Variants in EXOC4 observed in about 807,000 individuals in gnomAD.
EXOC4 encodes exocyst complex component 4, also known as SEC8-like 1.
EXOC4 carries 71 observed loss-of-function variants against 107.2 expected under a neutral mutation model. That is an observed-to-expected ratio of 0.66 (90% CI 0.55 to 0.81). The LOEUF (loss-of-function observed/expected upper bound fraction) is 0.81, where lower values mean the gene tolerates loss of function less well. Ranked by LOEUF, EXOC4 falls within the 30% of genes least tolerant of loss-of-function variation. The pLI is 0.00. For synonymous variants in EXOC4, 456 were observed against 441.2 expected (o/e 1.03, Z -0.42); for missense variants, 1,108 against 1,189.6 (o/e 0.93, Z 1.01).
intron 13 of EXOC4, among the ~76,000 whole-genome samples, chr7:133,935,830 A>G (rs1233814889): frequency 1.3e-5 from 2 of 152,208 alleles, no homozygotes; most frequent in Admixed American, 6.5e-5. Flanking sequence ...GAAGACAGTT[A>G]CATGGGGGTT....
intron 10 of EXOC4, among the ~76,000 whole-genome samples, chr7:133,739,446 G>A (rs1795517531): frequency 6.6e-6 from 1 of 152,104 alleles, no homozygotes; most frequent in Non-Finnish European, 1.5e-5. Context: ...TGCTAGAATG[G>A]GCTGGAATTC....
intron 11 of EXOC4, among the ~76,000 whole-genome samples, chr7:133,855,118 T>A (rs866536589): frequency 9.4e-4 from 89 of 94,844 alleles, no homozygotes; most frequent in Admixed American, 1.5e-3. Context: ...TATATAAATA[T>A]ATATATATAA....
intron 9 of EXOC4, among the ~76,000 whole-genome samples, chr7:133,523,166 A>G (rs535243747): frequency 6.6e-6 from 1 of 152,226 alleles, no homozygotes; most frequent in Non-Finnish European, 1.5e-5. Context: ...ATTTTAGAAT[A>G]AAAGATCAGA....
chr7:133,537,220 G>A (rs368743325), intron 9 of EXOC4, among the ~76,000 whole-genome samples: 11 of 151,100 alleles, frequency 7.3e-5, no homozygotes, highest in Non-Finnish European at 1.2e-4. Flanking sequence ...GCGTGATCTC[G>A]ACTCACTGCA....
intron 15 of EXOC4, among the ~76,000 whole-genome samples, chr7:134,002,923 A>C (rs1437587780): frequency 6.6e-6 from 1 of 152,184 alleles, no homozygotes; most frequent in African/African-American, 2.4e-5. Context: ...ATTTCTTACA[A>C]AAGTAAACAT....
At chr7:134,023,247 T>G (rs1795066127) in intron 17 of EXOC4, among the ~76,000 whole-genome samples, 1 of 152,186 alleles carries the variant, frequency 6.6e-6, no homozygotes, top group Admixed American at 6.5e-5. Flanking sequence ...TTTGCTGTAT[T>G]CTGTCTTTGA....
chr7:133,865,222 A>T (rs536183873), intron 11 of EXOC4, among the ~76,000 whole-genome samples: 3 of 152,298 alleles, frequency 2.0e-5, no homozygotes, highest in African/African-American at 7.2e-5. Context: ...TCCTTAAAAA[A>T]AACCACTGTG....
At chr7:133,372,869 A>G (rs1343051682) in intron 6 of EXOC4, among the ~76,000 whole-genome samples, 1 of 152,236 alleles carries the variant, frequency 6.6e-6, no homozygotes, top group Non-Finnish European at 1.5e-5. Flanking sequence ...CGGTAAGGAC[A>G]TTTGGCAACA....
At chr7:133,412,895 C>T (rs1797394949) in intron 7 of EXOC4, among the ~76,000 whole-genome samples, 1 of 151,986 alleles carries the variant, frequency 6.6e-6, no homozygotes, top group Admixed American at 6.6e-5. Context: ...GGTTTAATGG[C>T]AAACCTCTCG....
chr7:133,940,458 C>T (rs1800400802), intron 14 of EXOC4, among the ~76,000 whole-genome samples: 1 of 152,208 alleles, frequency 6.6e-6, no homozygotes, highest in African/African-American at 2.4e-5. Flanking sequence ...GTTGTACCCT[C>T]TCAGTTCCTT....
rs114487283 is a variant in EXOC4, at chr7:134,004,378, G to T, written c.2349-534G>T. On this transcript the variant is annotated intron_variant, in intron 15 of 17. Coordinates refer to ENST00000253861, the MANE Select transcript of EXOC4 (RefSeq NM_021807.4). ...CAGGTGTTGTTTTCACCCATATTTC[G>T]TGGATAAGGAACTGAGGGATAGAGA... Among the ~76,000 whole-genome samples the T allele has an allele frequency of 5.7e-3, 860 of 152,180 alleles. 9 individuals carry two copies. Among genetic ancestry groups the T allele is most frequent in the African/African-American group, 0.019 (804 of 41,506 alleles).
In EXOC4 at chr7:133,500,814, A is replaced by G. The variant is rs147139820; in HGVS notation, c.1417+20676A>G. ...GACATTACTCTGGGTGTGTAGTGGTATCTCATTATGGTGGTTTATATTTAA... is the reference window on the plus strand; with the variant it reads ...GACATTACTCTGGGTGTGTAGTGGTGTCTCATTATGGTGGTTTATATTTAA... On this transcript the variant is annotated intron_variant, in intron 9 of 17. Transcript: ENST00000253861. Among the ~76,000 whole-genome samples the G allele has an allele frequency of 1.9e-4, 29 of 152,316 alleles. No homozygotes were observed. The East Asian group carries it at 4.2e-3, about 22-fold the overall frequency.
chr7:133,963,632 G>A (rs1800996923), intron 14 of EXOC4, among the ~76,000 whole-genome samples: 1 of 152,230 alleles, frequency 6.6e-6, no homozygotes, highest in African/African-American at 2.4e-5. Context: ...AGTTATCCAT[G>A]ATATTAAAGT....
intron 17 of EXOC4, among the ~76,000 whole-genome samples, chr7:134,020,128 C>G (rs1321529394): frequency 6.6e-6 from 1 of 152,196 alleles, no homozygotes; most frequent in African/African-American, 2.4e-5. Context: ...ATGCATACAC[C>G]TGTGCTTTTA....
chr7:133,590,786 T>C (rs907000977), intron 9 of EXOC4, among the ~76,000 whole-genome samples: 1 of 152,198 alleles, frequency 6.6e-6, no homozygotes, highest in Non-Finnish European at 1.5e-5. Context: ...TCTACCATCT[T>C]CAATTCATTC....
At chr7:133,877,719 C>T (rs1402725263) in intron 11 of EXOC4, among the ~76,000 whole-genome samples, 3 of 133,264 alleles carry the variant, frequency 2.3e-5, no homozygotes, top group Non-Finnish European at 3.3e-5. Flanking sequence ...AGGTTCTACA[C>T]GGAAGATCTA....
At chr7:133,823,168 A>G (rs1797565757) in intron 11 of EXOC4, among the ~76,000 whole-genome samples, 1 of 152,076 alleles carries the variant, frequency 6.6e-6, no homozygotes, top group Non-Finnish European at 1.5e-5. Flanking sequence ...GCATATTTTC[A>G]TTTTCCTCTC....
chr7:133,882,676 T>A (rs1036665821), intron 11 of EXOC4, among the ~76,000 whole-genome samples: 4 of 152,044 alleles, frequency 2.6e-5, no homozygotes, highest in South Asian at 2.1e-4. Context: ...AAAAGTACTG[T>A]TGGGAAGGAA....
chr7:133,937,773 G>A, intron 13 of EXOC4, 118 bp from the exon 14 acceptor site: 1 of 903,672 alleles, frequency 1.1e-6, no homozygotes, highest in Non-Finnish European at 1.7e-6. Flanking sequence ...AGGAAAAAGA[G>A]CACGCTGTAA....
Sources: gnomAD v4.1 joint callset for allele counts (sites outside exome capture counted in the v4.1 genomes callset) on GRCh38, gnomAD v4.1.1 for gene constraint, MANE v1.5 for transcripts, NCBI Gene and HGNC (gene_info 2026-07-23, HGNC 2026-07-21) for gene names.